KCNMB2: variants seen among roughly 807,000 people sequenced by gnomAD.
KCNMB2 encodes the protein potassium calcium-activated channel subfamily M regulatory beta subunit 2.
A neutral mutation model predicts 24.5 loss-of-function variants in KCNMB2; 9 were observed. The ratio of observed to expected loss-of-function variants is 0.37; its 90% CI spans 0.22 to 0.64. KCNMB2 has a LOEUF of 0.64. KCNMB2 is among the 30% of genes least tolerant of loss of function. The pLI is 0.63. For missense variants in KCNMB2, 226 were observed against 284.3 expected (o/e 0.79, Z 1.47); for synonymous variants, 109 against 104.4 (o/e 1.04, Z -0.27).
At chr3:178,538,708 AT>A (rs1299521090) in intron 1 of KCNMB2, among the ~76,000 whole-genome samples, 1 of 152,176 alleles carries the variant, frequency 6.6e-6, no homozygotes, top group East Asian at 1.9e-4. Flanking sequence ...AAGTTTCCGT[AT>A]TCTTGATGAT....
chr3:178,667,635 C>A (rs909463125), intron 1 of KCNMB2, among the ~76,000 whole-genome samples: 2 of 151,450 alleles, frequency 1.3e-5, no homozygotes, highest in African/African-American at 4.8e-5. Context: ...AATTTACAGC[C>A]AAAAAAAAGA....
intron 1 of KCNMB2, among the ~76,000 whole-genome samples, chr3:178,760,259 G>T (rs929159499): frequency 1.5e-4 from 8 of 53,686 alleles, no homozygotes; most frequent in South Asian, 1.3e-3. Context: ...TCTATATATA[G>T]ATATATCCAA....
intron 1 of KCNMB2, among the ~76,000 whole-genome samples, chr3:178,708,707 C>CA (rs989925621): frequency 6.3e-4 from 95 of 151,420 alleles, no homozygotes; most frequent in Middle Eastern, 3.4e-3. Flanking sequence ...TAATTCTCAG[C>CA]AAAAAAAAGC....
intron 1 of KCNMB2, among the ~76,000 whole-genome samples, chr3:178,722,940 C>T (rs1306018739): frequency 6.6e-6 from 1 of 152,096 alleles, no homozygotes; most frequent in Non-Finnish European, 1.5e-5. Context: ...ATTAACAATA[C>T]ATGAACTTTA....
At chr3:178,643,565 T>C (rs1203182149) in intron 1 of KCNMB2, among the ~76,000 whole-genome samples, 1 of 152,162 alleles carries the variant, frequency 6.6e-6, no homozygotes, top group Non-Finnish European at 1.5e-5. Context: ...CTTTGCAACA[T>C]ACTGTGAATC....
intron 1 of KCNMB2, among the ~76,000 whole-genome samples, chr3:178,749,714 G>T (rs1186867440): frequency 2.6e-5 from 4 of 152,158 alleles, no homozygotes; most frequent in Non-Finnish European, 5.9e-5. Flanking sequence ...AACTAACTTG[G>T]CATTGCTCAA....
intron 1 of KCNMB2, among the ~76,000 whole-genome samples, chr3:178,730,362 T>A (rs916044187): frequency 2.0e-5 from 3 of 149,326 alleles, no homozygotes; most frequent in Non-Finnish European, 3.0e-5. Flanking sequence ...TTTTTCAAAT[T>A]TTGAACTGCT....
chr3:178,838,678 G>T (rs1299130574), intron 4 of KCNMB2, among the ~76,000 whole-genome samples: 2 of 150,884 alleles, frequency 1.3e-5, no homozygotes, highest in Non-Finnish European at 2.9e-5. Context: ...TAAATACTTT[G>T]TTCCTGGGAA....
intron 1 of KCNMB2, among the ~76,000 whole-genome samples, chr3:178,595,072 A>AAAAAAAAAG (rs1717819601): frequency 6.6e-6 from 1 of 151,712 alleles, no homozygotes; most frequent in African/African-American, 2.4e-5. Context: ...AAAAAAAAAA[A>AAAAAAAAAG]AAATCAATAC....
At chr3:178,676,965 C>T (rs548549157) in intron 1 of KCNMB2, among the ~76,000 whole-genome samples, 1 of 152,128 alleles carries the variant, frequency 6.6e-6, no homozygotes, top group African/African-American at 2.4e-5. Flanking sequence ...GAACAGACCA[C>T]CCTAGGCCAT....
intron 1 of KCNMB2, among the ~76,000 whole-genome samples, chr3:178,595,542 C>T (rs550963170): frequency 1.3e-5 from 2 of 152,132 alleles, no homozygotes; most frequent in South Asian, 4.1e-4. Flanking sequence ...GGGGGCAGTT[C>T]CCCCATCTTG....
At chr3:178,737,999 T>TC (rs989628726) in intron 1 of KCNMB2, among the ~76,000 whole-genome samples, 27 of 152,180 alleles carry the variant, frequency 1.8e-4, no homozygotes, top group African/African-American at 6.5e-4. Flanking sequence ...GTCAATATCC[T>TC]CCCCCGACCC....
intron 1 of KCNMB2, among the ~76,000 whole-genome samples, chr3:178,573,725 TA>T (rs1462521314): frequency 8.8e-6 from 1 of 113,970 alleles, no homozygotes; most frequent in Non-Finnish European, 1.7e-5. Context: ...CCAGCCTGGG[TA>T]ACAGAGTGAG....
chr3:178,829,280 T>G (rs1013470781), intron 4 of KCNMB2, among the ~76,000 whole-genome samples: 2 of 152,146 alleles, frequency 1.3e-5, no homozygotes, highest in African/African-American at 4.8e-5. Context: ...CTCTAATCTT[T>G]CTTGTAAAAG....
At position 178,729,061 on chromosome 3, in the gene KCNMB2, C is replaced by T. The variant is rs146103178; in HGVS notation, c.-67-78282C>T. 2.4e-3 allele frequency among the ~76,000 whole-genome samples: 370 copies of T among 152,022 alleles called. 2 individuals are homozygous for T. The highest frequency in any genetic ancestry group is 0.017 in the Middle Eastern group (5 of 294). ...AGATAAGCAAACAAAAGGAAGTTAC[C>T]CGTGTGATACCAGGTTAGAAAATCT... On this transcript the variant is annotated intron_variant, in intron 1 of 4. Coordinates refer to ENST00000452583, the MANE Select transcript of KCNMB2 (RefSeq NM_181361.3).
intron 4 of KCNMB2, among the ~76,000 whole-genome samples, chr3:178,834,812 A>C (rs1339896198): frequency 6.6e-6 from 1 of 152,038 alleles, no homozygotes; most frequent in African/African-American, 2.4e-5. Flanking sequence ...GTCACTCCTT[A>C]CCAAAGTTGA....
At chr3:178,786,431 AG>A (rs1273001737) in intron 1 of KCNMB2, among the ~76,000 whole-genome samples, 18 of 152,180 alleles carry the variant, frequency 1.2e-4, no homozygotes, top group African/African-American at 4.1e-4. Flanking sequence ...GAAATGGAAT[AG>A]GGTGAGGAAG....
intron 1 of KCNMB2, among the ~76,000 whole-genome samples, chr3:178,730,822 C>T (rs188071254): frequency 1.3e-5 from 2 of 152,234 alleles, no homozygotes; most frequent in Admixed American, 6.5e-5. Context: ...CTTCACATGA[C>T]AGGCACCTCC....
In KCNMB2 at chr3:178,616,014, C is replaced by T. The variant is rs113175303; in HGVS notation, c.-68+79303C>T. Among the ~76,000 whole-genome samples the T allele has an allele frequency of 9.0e-3, 1,375 of 152,184 alleles. 19 individuals are homozygous for T. Among genetic ancestry groups the T allele is most frequent in the African/African-American group, 0.031 (1,302 of 41,518 alleles). On this transcript the variant is annotated intron_variant, in intron 1 of 4. Coordinates refer to ENST00000452583, the MANE Select transcript of KCNMB2 (RefSeq NM_181361.3). ...TTCACGACTCTGACTGGTGCCTTAT[C>T]TTGCTGTGGCTGAGTTGGTATCCAA...
Sources: gnomAD v4.1 joint callset for allele counts (sites outside exome capture counted in the v4.1 genomes callset) on GRCh38, gnomAD v4.1.1 for gene constraint, MANE v1.5 for transcripts, NCBI Gene and HGNC (gene_info 2026-07-23, HGNC 2026-07-21) for gene names.